The following HPD variants were observed in gnomAD, a reference collection of about 807,000 sequenced individuals.
The protein encoded by HPD is 4-hydroxyphenylpyruvate dioxygenase.
In HPD, 35 loss-of-function variants were observed where a neutral mutation model predicts 56.9. The observed-to-expected ratio is 0.62, with a 90% CI of 0.47 to 0.82. The LOEUF (loss-of-function observed/expected upper bound fraction) is 0.82, where lower values mean the gene tolerates loss of function less well. Among genes scored for constraint, HPD ranks in the 40% least tolerant of loss-of-function variants. HPD has a pLI of 0.00. For synonymous variants in HPD, 186 were observed against 200.2 expected (o/e 0.93, Z 0.60); for missense variants, 442 against 506.8 (o/e 0.87, Z 1.23).
At chr12:121,869,625 A>C in the HPD span, among the ~76,000 whole-genome samples, 2 of 150,488 alleles carry the variant, frequency 1.3e-5, no homozygotes, top group African/African-American at 4.9e-5. Context: ...CCTGGGTTCA[A>C]GAGATTCTCT....
rs1877859318 is a variant in HPD, at chr12:121,852,918, C to T, written c.414+1785G>A. On this transcript the variant is annotated intron_variant, in intron 7 of 13. Transcript: ENST00000289004. ...CAGTGCTGGGATTATGGGCGTGAGC[C>T]ACTGCGCCCAGTTCTCATTGGATCC... 3.3e-5 allele frequency among the ~76,000 whole-genome samples: 5 copies of T among 152,088 alleles called. 1 individual carries two copies. The highest frequency in any genetic ancestry group is 1.2e-4 in the African/African-American group (5 of 41,418).
At chr12:121,879,482 G>GTTCTC in the HPD span, among the ~76,000 whole-genome samples, 38,807 of 147,856 alleles carry the variant, frequency 0.26, 6,189 homozygotes, top group Middle Eastern at 0.38. Flanking sequence ...TTTCTCTTCT[G>GTTCTC]TTCTCTTCTC....
At chr12:121,881,822 A>ATTTTTTTTTTTTTTTTTTT in the HPD span, among the ~76,000 whole-genome samples, 1 of 135,280 alleles carries the variant, frequency 7.4e-6, no homozygotes, top group Non-Finnish European at 1.7e-5. Flanking sequence ...AATTTTTTGT[A>ATTTTTTTTTTTTTTTTTTT]TTTTTAATAG....
intron 6 of HPD, 125 bp from the exon 7 acceptor site, chr12:121,854,917 AGGAACCCCAG>A: frequency 1.3e-6 from 1 of 750,226 alleles, no homozygotes; most frequent in Non-Finnish European, 2.4e-6. Flanking sequence ...AGCCCCAGGT[AGGAACCCCAG>A]CCAGCTTCAG....
In HPD at chr12:121,847,166, C is replaced by T. The variant is rs376172254; in HGVS notation, c.645G>A (p.Thr215=). Residue 215 remains threonine, a synonymous_variant, in exon 10 of 14, where the codon ACG becomes ACA. Coordinates refer to ENST00000289004, the MANE Select transcript of HPD (RefSeq NM_002150.3). ...GAGAGCTATATTCCGTGTGCACCTGCGTGTCATCCACGGACCAGAAGCGGT... is the reference window on the plus strand; with the variant it reads ...GAGAGCTATATTCCGTGTGCACCTGTGTGTCATCCACGGACCAGAAGCGGT... ...QFHRFWSVDD[T]QVHTEYSSLR... The T allele has an allele frequency of 6.2e-6, 10 of 1,614,036 alleles. No homozygotes were observed. In the Admixed American group the frequency reaches 6.7e-5, roughly 11 times the overall value.
chr12:121,882,212 G>A, the HPD span, among the ~76,000 whole-genome samples: 243 of 151,574 alleles, frequency 1.6e-3, no homozygotes, highest in Admixed American at 2.6e-3. Context: ...AGGATTTGTC[G>A]TTTGTAGGAT....
chr12:121,855,972 CAAA>C (rs57671436), intron 6 of HPD, among the ~76,000 whole-genome samples: 16 of 65,336 alleles, frequency 2.4e-4, no homozygotes, highest in East Asian at 2.0e-3. Context: ...CTCCGTCTCA[CAAA>C]AAAAAAAAAA....
chr12:121,882,476 T>C, the HPD span, among the ~76,000 whole-genome samples: 1 of 152,146 alleles, frequency 6.6e-6, no homozygotes, highest in Admixed American at 6.6e-5. Flanking sequence ...CTGTGGCCAC[T>C]GCAGGGAAGA....
At chr12:121,842,429 CCTAA>C (rs1416628110) in intron 12 of HPD, among the ~76,000 whole-genome samples, 10 of 151,882 alleles carry the variant, frequency 6.6e-5, no homozygotes, top group East Asian at 5.8e-4. Context: ...CTGTGTCTGG[CCTAA>C]CTGTTTTTGT....
the HPD span, among the ~76,000 whole-genome samples, chr12:121,871,014 A>G: frequency 6.6e-6 from 1 of 152,100 alleles, no homozygotes; most frequent in Non-Finnish European, 1.5e-5. Flanking sequence ...CTGCTGTGCC[A>G]TTGCCCAGTG....
At chr12:121,883,685 T>TC in the HPD span, among the ~76,000 whole-genome samples, 72 of 149,898 alleles carry the variant, frequency 4.8e-4, no homozygotes, top group Admixed American at 1.3e-3. Flanking sequence ...CTTCTTTCTT[T>TC]TTTTTTTTTT....
At chr12:121,854,150 GGA>G (rs1173302890) in intron 7 of HPD, among the ~76,000 whole-genome samples, 1 of 151,918 alleles carries the variant, frequency 6.6e-6, no homozygotes, top group Non-Finnish European at 1.5e-5. Context: ...CAACTACTCG[GGA>G]GGCTGAGGCA....
intron 7 of HPD, among the ~76,000 whole-genome samples, chr12:121,851,313 GTTTAA>G (rs1324252592): frequency 4.0e-5 from 6 of 151,416 alleles, no homozygotes; most frequent in African/African-American, 9.7e-5. Context: ...CCATTTTTAT[GTTTAA>G]TTTAATTTTT....
the HPD span, among the ~76,000 whole-genome samples, chr12:121,879,902 C>T: frequency 6.6e-6 from 1 of 152,078 alleles, no homozygotes; most frequent in Non-Finnish European, 1.5e-5. Flanking sequence ...GTAATCCCAG[C>T]ACTTTGGGAG....
upstream of HPD, chr12:121,859,188 T>G: frequency 2.8e-6 from 1 of 361,250 alleles, no homozygotes; most frequent in Non-Finnish European, 5.3e-6. Flanking sequence ...TCCAGAACTC[T>G]TGCCTAGAGG....
chr12:121,850,013 G>A (rs1166186996), intron 7 of HPD: 2 of 552,882 alleles, frequency 3.6e-6, no homozygotes, highest in African/African-American at 1.9e-5. Flanking sequence ...TCATGATGGT[G>A]TACCCAGCGC....
chr12:121,887,218 A>ATTT, the HPD span, among the ~76,000 whole-genome samples: 154 of 143,024 alleles, frequency 1.1e-3, 2 homozygotes, highest in Middle Eastern at 7.2e-3. Flanking sequence ...ATTAATTATT[A>ATTT]TTTTTTTTTT....
At chr12:121,862,161 A>G (rs1878191554), upstream of HPD, among the ~76,000 whole-genome samples, 3 of 152,324 alleles carry the variant, frequency 2.0e-5, no homozygotes, top group South Asian at 6.2e-4. Context: ...GATTAGAGAC[A>G]TCCCTCCCTG....
chr12:121,849,038 C>G lies in HPD; in HGVS notation c.557G>C (p.Gly186Ala). The G allele has an allele frequency of 6.2e-7, 1 of 1,613,906 alleles. No homozygotes were observed. The highest frequency in any genetic ancestry group is 1.1e-5 in the South Asian group (1 of 91,072). Residue 186 changes from glycine (G) to alanine (A), a missense_variant, in exon 9 of 14, where the codon GGA (glycine) becomes GCA (alanine). Coordinates refer to ENST00000289004, the MANE Select transcript of HPD (RefSeq NM_002150.3). Reference protein sequence around the residue: ...CSLEMIDHIVGNQPDQEMVSA... With the variant: ...CSLEMIDHIVANQPDQEMVSA... ...CACCATCTCCTGATCAGGCTGGTTT[C>G]CCACAATGTGGTCGATCATCTCCAG...
Sources: gnomAD v4.1 joint callset for allele counts (sites outside exome capture counted in the v4.1 genomes callset) on GRCh38, gnomAD v4.1.1 for gene constraint, MANE v1.5 for transcripts, NCBI Gene and HGNC (gene_info 2026-07-23, HGNC 2026-07-21) for gene names.